Variants in POMZP3 observed in about 807,000 individuals in gnomAD.
POMZP3 encodes POM121 and ZP3 fusion protein.
A neutral mutation model predicts 19.8 loss-of-function variants in POMZP3; 10 were observed. The observed-to-expected ratio is 0.51, with a 90% CI of 0.31 to 0.86. The LOEUF (loss-of-function observed/expected upper bound fraction) is 0.86, where lower values mean the gene tolerates loss of function less well. Among genes scored for constraint, POMZP3 ranks in the 40% least tolerant of loss-of-function variants. The pLI is 0.04. For synonymous variants in POMZP3, 57 were observed against 85.8 expected, an observed-to-expected ratio of 0.66 and a Z score of 1.85; for missense variants, 152 against 228.1, an observed-to-expected ratio of 0.67 and a Z score of 2.15.
Position 76,625,949 on chromosome 7 carries a change from G to A in POMZP3, c.65+51C>T, listed in dbSNP as rs747470759. 8.1e-6 allele frequency: 13 copies of A among 1,606,986 alleles called. No homozygotes were observed. In the Admixed American group the frequency reaches 1.3e-4, roughly 17 times the overall value. On this transcript the variant is annotated intron_variant, in intron 2 of 6. Coordinates refer to ENST00000310842, the MANE Select transcript of POMZP3 (RefSeq NM_012230.5). ...TGTTGTCATAGGAACAACTGGAGAA[G>A]AATAAAGTGGACACGAAAAGGGAGA...
At chr7:76,610,389 G>A (rs1815036200) in intron 6 of POMZP3, among the ~76,000 whole-genome samples, 174 bp from the exon 7 acceptor site, 2 of 152,100 alleles carry the variant, frequency 1.3e-5, no homozygotes, top group Admixed American at 6.6e-5. Context: ...GATGGCTTAT[G>A]CCTGTAATCC....
intron 3 of POMZP3, among the ~76,000 whole-genome samples, chr7:76,623,811 AG>A (rs1449391791): frequency 9.2e-5 from 14 of 151,834 alleles, no homozygotes; most frequent in Non-Finnish European, 1.6e-4. Flanking sequence ...CCAAAAAAAA[AG>A]AAAGAGAGAG....
chr7:76,618,571 A>G (rs1287117500), intron 3 of POMZP3: 1 of 452,222 alleles, frequency 2.2e-6, no homozygotes, highest in South Asian at 2.2e-5. Flanking sequence ...TAGTGAGCCA[A>G]AATTGCACCA....
At chr7:76,624,387 CTT>C (rs892805035) in intron 3 of POMZP3, among the ~76,000 whole-genome samples, 4 of 151,688 alleles carry the variant, frequency 2.6e-5, no homozygotes, top group African/African-American at 9.7e-5. Flanking sequence ...ACTTCAACTT[CTT>C]TTCTTTCTGT....
chr7:76,620,359 G>A (rs1374623770), intron 3 of POMZP3, among the ~76,000 whole-genome samples: 1 of 103,390 alleles, frequency 9.7e-6, no homozygotes, highest in African/African-American at 4.2e-5. Context: ...GACAACACGT[G>A]GGGGTGGGGT....
Position 76,616,636 on chromosome 7 carries a change from C to A in POMZP3, c.345+1547G>T, listed in dbSNP as rs1815301783. On this transcript the variant is annotated intron_variant, in intron 4 of 6. Transcript: ENST00000310842. ...CTTTTGGAGGCCGATGCAGGTGGATCACAAGGTCAGGAGTTCCAGACCAGC... is the reference window on the plus strand; with the variant it reads ...CTTTTGGAGGCCGATGCAGGTGGATAACAAGGTCAGGAGTTCCAGACCAGC... Among the ~76,000 whole-genome samples the A allele has an allele frequency of 6.4e-5, 6 of 94,424 alleles. 3 individuals are homozygous for A. The South Asian group carries it at 2.2e-3, about 35-fold the overall frequency. 61.9% of individuals were successfully genotyped at this position (94,424 alleles called of 152,430 possible).
intron 3 of POMZP3, among the ~76,000 whole-genome samples, chr7:76,622,464 C>T (rs191902475): frequency 2.1e-5 from 3 of 139,564 alleles, no homozygotes; most frequent in African/African-American, 5.5e-5. Flanking sequence ...CTGCAACCTC[C>T]GCCCCACAGG....
At chr7:76,613,412 G>A (rs181872075) in intron 4 of POMZP3, among the ~76,000 whole-genome samples, 7,205 of 128,590 alleles carry the variant, frequency 0.056, 644 homozygotes, top group African/African-American at 0.19. Context: ...AGACAAGTAC[G>A]AGGGAATGAA....
At position 76,626,926 on chromosome 7, in the gene POMZP3, G is replaced by A. The variant is rs1401645071; in HGVS notation, c.-370C>T. 4.0e-5 allele frequency: 56 copies of A among 1,400,002 alleles called. 1 individual carries two copies. Among genetic ancestry groups the A allele is most frequent in the Non-Finnish European group, 5.1e-5 (55 of 1,077,310 alleles). The allele number at this position is 1,400,002 out of a possible 1,614,324, so 86.7% of individuals were successfully genotyped here. A position where few individuals can be genotyped will look rare whatever the true frequency, so the allele number is the denominator to read the frequency against. ...ACTGCCCATGAGGAGCAGTTCGGCA[G>A]GGTCAGGTCCTTCGAGCAGGGTCCG... On this transcript the variant is annotated 5_prime_UTR_variant, in exon 1 of 7. Coordinates refer to ENST00000310842, the MANE Select transcript of POMZP3 (RefSeq NM_012230.5).
intron 6 of POMZP3, among the ~76,000 whole-genome samples, chr7:76,610,879 A>AT (rs148974902): frequency 2.9e-4 from 41 of 143,754 alleles, no homozygotes; most frequent in East Asian, 1.2e-3. Context: ...GATTATTATT[A>AT]TTTTTTTTTT....
At position 76,627,217 on chromosome 7, in the gene POMZP3, C is replaced by T. The variant is rs1048356055; in HGVS notation, c.-661G>A. Reference sequence around the variant, plus strand: ...TGACACTCGCTATCGGCCGCCGCCGCTCGCCTGCTCCAGCCGCCGCAGCCG... The same window carrying T: ...TGACACTCGCTATCGGCCGCCGCCGTTCGCCTGCTCCAGCCGCCGCAGCCG... On this transcript the variant is annotated 5_prime_UTR_variant, in exon 1 of 7. Coordinates refer to ENST00000310842, the MANE Select transcript of POMZP3 (RefSeq NM_012230.5). The T allele has an allele frequency of 1.6e-3, 2,259 of 1,423,938 alleles. 337 individuals are homozygous for T. The highest frequency in any genetic ancestry group is 1.9e-3 in the Non-Finnish European group (2,094 of 1,079,944). 88.2% of individuals were successfully genotyped at this position (1,423,938 alleles called of 1,614,324 possible).
At chr7:76,611,089 G>A (rs919817286) in intron 6 of POMZP3, among the ~76,000 whole-genome samples, 19 of 143,138 alleles carry the variant, frequency 1.3e-4, no homozygotes, top group Non-Finnish European at 2.6e-4. Context: ...GGTCAGGCTG[G>A]TCTCGAACTC....
At chr7:76,610,291 T>C in intron 6 of POMZP3, 76 bp from the exon 7 acceptor site, 2 of 1,449,800 alleles carry the variant, frequency 1.4e-6, no homozygotes, top group South Asian at 2.3e-5. Context: ...TTATTCTGCC[T>C]CAGTGGGCTA....
chr7:76,626,122 G>A lies in POMZP3; in HGVS notation c.-58C>T, dbSNP rs1440793744. 2.0e-5 allele frequency: 33 copies of A among 1,612,972 alleles called. No homozygotes were observed. In the South Asian group the frequency reaches 2.7e-4, roughly 13 times the overall value. ...TGTGATAACCATTCCAGCACACTGT[G>A]GGAAGTACCCCCGGACAGGAATACT... On this transcript the variant is annotated 5_prime_UTR_variant, in exon 2 of 7. Transcript: ENST00000310842.
chr7:76,625,739 A>G, intron 2 of POMZP3, 56 bp from the exon 3 acceptor site: 1 of 1,588,076 alleles, frequency 6.3e-7, no homozygotes, highest in Non-Finnish European at 8.6e-7. Flanking sequence ...ATGCCATATC[A>G]GAAATGGAAA....
chr7:76,620,693 T>C (rs868391941), intron 3 of POMZP3, among the ~76,000 whole-genome samples: 4 of 151,916 alleles, frequency 2.6e-5, no homozygotes, highest in African/African-American at 7.2e-5. Context: ...GTCTTGAACT[T>C]CTGACCTCAG....
intron 3 of POMZP3, among the ~76,000 whole-genome samples, chr7:76,620,680 C>G (rs62475939): frequency 1.3e-5 from 2 of 151,760 alleles, no homozygotes; most frequent in Admixed American, 6.6e-5. Context: ...GTTGGCCAGG[C>G]TGGTCTTGAA....
At chr7:76,622,779 G>T (rs1274867828) in intron 3 of POMZP3, among the ~76,000 whole-genome samples, 1 of 151,818 alleles carries the variant, frequency 6.6e-6, no homozygotes, top group African/African-American at 2.4e-5. Context: ...GAGCTCAAGC[G>T]ATCTTCCTAC....
chr7:76,620,860 CATTTTTT>C (rs1815516565), intron 3 of POMZP3, among the ~76,000 whole-genome samples: 2 of 100,270 alleles, frequency 2.0e-5, no homozygotes, highest in Non-Finnish European at 3.8e-5. Flanking sequence ...GCTGTAAAGC[CATTTTTT>C]TTTTTTTTTT....
Sources: gnomAD v4.1 joint callset for allele counts (sites outside exome capture counted in the v4.1 genomes callset) on GRCh38, gnomAD v4.1.1 for gene constraint, MANE v1.5 for transcripts, NCBI Gene and HGNC (gene_info 2026-07-23, HGNC 2026-07-21) for gene names.